The following FARS2 variants were observed in gnomAD, a reference collection of about 807,000 sequenced individuals.
FARS2 encodes phenylalanyl-tRNA synthetase 2, mitochondrial, also known as phenylalanine--tRNA ligase, mitochondrial.
A neutral mutation model predicts 46.4 loss-of-function variants in FARS2; 40 were observed. That is an observed-to-expected ratio of 0.86 (90% CI 0.67 to 1.12). The LOEUF is 1.12. FARS2 is among the 50% of genes most tolerant of loss of function. The pLI, the probability that FARS2 is intolerant of heterozygous loss-of-function variation, is 0.00. For synonymous variants in FARS2, 234 were observed against 214.9 expected (o/e 1.09, Z -0.78); for missense variants, 513 against 567.9 (o/e 0.90, Z 0.98).
At chr6:5,607,519 T>G (rs1774912827) in intron 5 of FARS2, among the ~76,000 whole-genome samples, 1 of 152,034 alleles carries the variant, frequency 6.6e-6, no homozygotes, top group African/African-American at 2.4e-5. Context: ...TGAATATAAA[T>G]AGATTAAAGT....
At chr6:5,358,174 T>C (rs529882756) in intron 1 of FARS2, among the ~76,000 whole-genome samples, 1 of 152,292 alleles carries the variant, frequency 6.6e-6, no homozygotes, top group African/African-American at 2.4e-5. Context: ...TAATATGTGG[T>C]TTAGAGAGTT....
intron 1 of FARS2, among the ~76,000 whole-genome samples, chr6:5,307,102 A>G (rs568941462): frequency 2.8e-4 from 42 of 152,222 alleles, no homozygotes; most frequent in Non-Finnish European, 5.0e-4. Context: ...AAATTATTAC[A>G]TATGTTTTTC....
intron 6 of FARS2, among the ~76,000 whole-genome samples, chr6:5,763,403 C>T (rs1762589800): frequency 6.6e-6 from 1 of 152,146 alleles, no homozygotes; most frequent in African/African-American, 2.4e-5. Flanking sequence ...AGTGAGCCAT[C>T]ATTGTGCCAC....
chr6:5,453,659 C>T (rs879484044), intron 4 of FARS2, among the ~76,000 whole-genome samples: 1 of 152,134 alleles, frequency 6.6e-6, no homozygotes, highest in Admixed American at 6.5e-5. Context: ...ATTTCCAAAA[C>T]CCTGTTTTTT....
rs59053657 is a variant in FARS2, at chr6:5,271,560, G to GTTTTTTTT, written c.-22+9913_-22+9920dup. 4.6e-5 allele frequency among the ~76,000 whole-genome samples: 5 copies of GTTTTTTTT among 108,710 alleles called. 1 individual carries two copies. Among genetic ancestry groups the GTTTTTTTT allele is most frequent in the African/African-American group, 3.7e-5 (1 of 27,298 alleles). 71.3% of individuals were successfully genotyped at this position (108,710 alleles called of 152,430 possible). On this transcript the variant is annotated intron_variant, in intron 1 of 6. Coordinates refer to ENST00000274680, the MANE Select transcript of FARS2 (RefSeq NM_006567.5). ...GTGTATAAGAACAGAGACTATGTCT[G>GTTTTTTTT]TTTTTTTTTTTTTTTTTTTTGAGGC... is the stretch of plus-strand genomic sequence containing the variant.
At chr6:5,276,319 C>T (rs1438237421) in intron 1 of FARS2, among the ~76,000 whole-genome samples, 1 of 152,148 alleles carries the variant, frequency 6.6e-6, no homozygotes, top group African/African-American at 2.4e-5. Context: ...TCTCATTTCA[C>T]AGCTGTATCA....
At chr6:5,562,633 T>G (rs1414282575) in intron 5 of FARS2, among the ~76,000 whole-genome samples, 1 of 151,818 alleles carries the variant, frequency 6.6e-6, no homozygotes, top group African/African-American at 2.4e-5. Flanking sequence ...CAGATGTATA[T>G]TTTATGTAAG....
At chr6:5,576,272 G>C (rs534850108) in intron 5 of FARS2, among the ~76,000 whole-genome samples, 1 of 152,072 alleles carries the variant, frequency 6.6e-6, no homozygotes, top group Admixed American at 6.6e-5. Context: ...GCTAGGAAAG[G>C]CAGATCCACC....
intron 1 of FARS2, among the ~76,000 whole-genome samples, chr6:5,336,179 T>C (rs1301137397): frequency 6.6e-6 from 1 of 151,884 alleles, no homozygotes; most frequent in Non-Finnish European, 1.5e-5. Context: ...TTTCAGATAC[T>C]AAAAGTATCT....
chr6:5,470,575 C>T (rs1765755973), intron 4 of FARS2, among the ~76,000 whole-genome samples: 1 of 152,156 alleles, frequency 6.6e-6, no homozygotes, highest in Non-Finnish European at 1.5e-5. Context: ...ATTTTCTCCT[C>T]TGTAATTTTT....
chr6:5,256,256 G>A (rs1433467639), upstream of FARS2, among the ~76,000 whole-genome samples: 6 of 151,908 alleles, frequency 3.9e-5, no homozygotes, highest in Non-Finnish European at 5.9e-5. Flanking sequence ...TTGGGAGGCC[G>A]AGGTGGGCGG....
At chr6:5,751,205 T>C (rs1367392452) in intron 6 of FARS2, among the ~76,000 whole-genome samples, 1 of 152,104 alleles carries the variant, frequency 6.6e-6, no homozygotes, top group Non-Finnish European at 1.5e-5. Context: ...CCTCCGCAAT[T>C]TGTCAGTCTT....
Position 5,381,396 on chromosome 6 carries a change from CACACACACAT to C in FARS2, c.612+12224_612+12233del, listed in dbSNP as rs1324602470. Among the ~76,000 whole-genome samples the C allele has an allele frequency of 2.1e-3, 271 of 131,366 alleles. 3 individuals are homozygous for C. The highest frequency in any genetic ancestry group is 6.9e-3 in the African/African-American group (227 of 32,896). The allele number at this position is 131,366 out of a possible 152,430, so 86.2% of individuals were successfully genotyped here. A position where few individuals can be genotyped will look rare whatever the true frequency, so the allele number is the denominator to read the frequency against. ...ACACACACACACACACACACACACA[CACACACACAT>C]ACACACACACACACAGATGCAGAAT... On this transcript the variant is annotated intron_variant, in intron 2 of 6. Coordinates refer to ENST00000274680, the MANE Select transcript of FARS2 (RefSeq NM_006567.5).
chr6:5,354,671 G>A (rs1757802291), intron 1 of FARS2, among the ~76,000 whole-genome samples: 1 of 151,980 alleles, frequency 6.6e-6, no homozygotes, highest in South Asian at 2.1e-4. Context: ...CCGCCACCAC[G>A]CCCAGCTAAC....
intron 4 of FARS2, among the ~76,000 whole-genome samples, chr6:5,544,060 G>T (rs1770800860): frequency 6.6e-6 from 1 of 152,000 alleles, no homozygotes; most frequent in Non-Finnish European, 1.5e-5. Flanking sequence ...CTGAAGCTGG[G>T]GTGCTATCAT....
intron 1 of FARS2, among the ~76,000 whole-genome samples, chr6:5,363,538 AAG>A (rs889417316): frequency 3.9e-5 from 6 of 152,090 alleles, no homozygotes. Context: ...TGATAAATAT[AAG>A]AGAGAGAGGA....
At chr6:5,658,060 C>G (rs1777682844) in intron 6 of FARS2, among the ~76,000 whole-genome samples, 1 of 152,122 alleles carries the variant, frequency 6.6e-6, no homozygotes, top group South Asian at 2.1e-4. Flanking sequence ...AATTCAAGAC[C>G]AGTCTGATGA....
intron 1 of FARS2, among the ~76,000 whole-genome samples, chr6:5,346,998 C>T (rs2127599660): frequency 6.6e-6 from 1 of 151,920 alleles, no homozygotes; most frequent in Admixed American, 6.6e-5. Flanking sequence ...ACTGAAACCT[C>T]CGCCTTCCAG....
chr6:5,525,723 G>A (rs185500047), intron 4 of FARS2, among the ~76,000 whole-genome samples: 3 of 152,324 alleles, frequency 2.0e-5, no homozygotes, highest in Admixed American at 6.5e-5. Flanking sequence ...GAATAGATTG[G>A]ATCAAGATGT....
Sources: allele counts gnomAD v4.1 joint callset (sites outside exome capture counted in the v4.1 genomes callset), GRCh38; gene constraint gnomAD v4.1.1; transcripts MANE v1.5; gene names NCBI Gene and HGNC (gene_info 2026-07-23, HGNC 2026-07-21).